Variants in PKHD1 observed in about 807,000 individuals in gnomAD.
PKHD1 encodes fibrocystin.
PKHD1 carries 291 observed loss-of-function variants against 412.0 expected under a neutral mutation model. That is an observed-to-expected ratio of 0.71 (90% CI 0.64 to 0.78). The LOEUF is 0.78. Among genes scored for constraint, PKHD1 ranks in the 30% least tolerant of loss-of-function variants. The probability of loss-of-function intolerance (pLI) is 0.00; values close to 1 mark genes in which losing one functional copy is unlikely to be tolerated. For synonymous variants in PKHD1, 1,777 were observed against 1,821.5 expected, an observed-to-expected ratio of 0.98 and a Z score of 0.62; for missense variants, 4,825 against 4,950.7, an observed-to-expected ratio of 0.97 and a Z score of 0.76.
intron 36 of PKHD1, among the ~76,000 whole-genome samples, chr6:51,940,035 AC>A (rs1300672912): frequency 2.0e-5 from 3 of 151,048 alleles, no homozygotes; most frequent in Non-Finnish European, 4.4e-5. Flanking sequence ...TCTTTATCTG[AC>A]CTCTCCCAAA....
intron 60 of PKHD1, among the ~76,000 whole-genome samples, chr6:51,684,329 T>C (rs962906204): frequency 2.4e-4 from 36 of 152,210 alleles, no homozygotes; most frequent in African/African-American, 7.9e-4. Flanking sequence ...GTTTTTCTAT[T>C]CTTAAACAAC....
At chr6:51,869,727 A>T (rs1775671450) in intron 47 of PKHD1, among the ~76,000 whole-genome samples, 1 of 152,146 alleles carries the variant, frequency 6.6e-6, no homozygotes, top group South Asian at 2.1e-4. Context: ...TATTATTTCT[A>T]CAATCCTAAA....
chr6:52,070,509 G>C, intron 9 of PKHD1, 64 bp from the exon 10 acceptor site: 2 of 1,212,648 alleles, frequency 1.6e-6, no homozygotes, highest in Non-Finnish European at 2.4e-6. Context: ...CCAGGCCATT[G>C]CTTTCATAAG....
chr6:51,883,588 T>C (rs1159618682), intron 45 of PKHD1, among the ~76,000 whole-genome samples: 1 of 152,228 alleles, frequency 6.6e-6, no homozygotes, highest in East Asian at 1.9e-4. Flanking sequence ...TTCAATGTAT[T>C]ATATATTAAC....
intron 57 of PKHD1, among the ~76,000 whole-genome samples, chr6:51,752,879 C>T (rs1750961): frequency 0.78 from 118,831 of 152,106 alleles, 47,204 homozygotes; most frequent in East Asian, 0.98. Flanking sequence ...GAAAGAGTAA[C>T]AGAAATTCAG....
chr6:51,846,274 A>G (rs1204477068), intron 50 of PKHD1, among the ~76,000 whole-genome samples: 2 of 152,216 alleles, frequency 1.3e-5, no homozygotes, highest in Admixed American at 6.5e-5. Flanking sequence ...GCTAGCCTGT[A>G]GGTCCGACTC....
At chr6:52,079,847 C>T (rs201973989) in intron 5 of PKHD1, 53 bp downstream of exon 5, 2 of 1,049,624 alleles carry the variant, frequency 1.9e-6, no homozygotes, top group Non-Finnish European at 3.0e-6. Context: ...TTCAATAACA[C>T]AAGCACACCC....
chr6:51,774,937 A>G (rs1192761557), intron 54 of PKHD1, among the ~76,000 whole-genome samples: 1 of 151,778 alleles, frequency 6.6e-6, no homozygotes, highest in Non-Finnish European at 1.5e-5. Flanking sequence ...CTTATATAAT[A>G]GTTGAAATAA....
Position 51,794,084 on chromosome 6 carries a change from T to G in PKHD1, c.8303-2711A>C, listed in dbSNP as rs183620161. Among the ~76,000 whole-genome samples, 605 of 149,976 alleles carry G rather than the reference T, an allele frequency of 4.0e-3. 4 individuals carry two copies. Among genetic ancestry groups the G allele is most frequent in the African/African-American group, 0.011 (463 of 40,646 alleles). On this transcript the variant is annotated intron_variant, in intron 52 of 66. Transcript: ENST00000371117. ...TTTTTTTTGAGATGGAGTCTCACTC[T>G]GTCGTGCAGTGGCGTGATCTCGGCT...
chr6:51,717,256 A>C (rs972367910), intron 60 of PKHD1, among the ~76,000 whole-genome samples: 15 of 152,160 alleles, frequency 9.9e-5, no homozygotes, highest in Non-Finnish European at 1.6e-4. Context: ...TACTAAAAAA[A>C]CAAAAATTAG....
intron 35 of PKHD1, among the ~76,000 whole-genome samples, chr6:51,995,414 T>C (rs564498039): frequency 6.6e-6 from 1 of 152,380 alleles, no homozygotes; most frequent in East Asian, 1.9e-4. Context: ...CCTTTGTTTC[T>C]AGTAACTGCC....
At chr6:51,842,266 C>T (rs546840951) in intron 50 of PKHD1, among the ~76,000 whole-genome samples, 2 of 152,260 alleles carry the variant, frequency 1.3e-5, no homozygotes, top group South Asian at 4.1e-4. Flanking sequence ...TGAGTGGGGG[C>T]TGTGTGAACT....
chr6:51,863,001 C>T (rs1032019567), intron 48 of PKHD1, among the ~76,000 whole-genome samples: 6 of 152,120 alleles, frequency 3.9e-5, no homozygotes, highest in African/African-American at 9.7e-5. Flanking sequence ...TATGCCTATG[C>T]GTTGTTTTGT....
chr6:52,063,312 C>A (rs550575460), intron 13 of PKHD1, among the ~76,000 whole-genome samples: 15 of 152,294 alleles, frequency 9.8e-5, no homozygotes, highest in South Asian at 2.1e-4. Context: ...GGAATCCCAG[C>A]TAGACGTGTA....
At chr6:52,058,211 A>G in intron 16 of PKHD1, 112 bp downstream of exon 16, 1 of 947,172 alleles carries the variant, frequency 1.1e-6, no homozygotes, top group Non-Finnish European at 1.7e-6. Context: ...TTTCTTTGAC[A>G]GCAAGGTTAT....
chr6:52,062,641 A>G lies in PKHD1; in HGVS notation c.996T>C (p.Phe332=). ...GTCCCTCAACAGCATCTCCAACTTCAAAAAGAAGCCCTCGATTGCCTGTAA... is the reference window on the plus strand; with the variant it reads ...GTCCCTCAACAGCATCTCCAACTTCGAAAAGAAGCCCTCGATTGCCTGTAA... ...TPQPGNRGLL[F]EVGDAVEGLE... is the part of the protein sequence containing the mutation. The change falls in exon 14 of 67, where the codon TTT becomes TTC. Residue 332 remains phenylalanine, a synonymous_variant. Coordinates refer to ENST00000371117, the MANE Select transcript of PKHD1 (RefSeq NM_138694.4). The G allele has an allele frequency of 1.2e-6, 2 of 1,614,150 alleles. No homozygotes were observed. The highest frequency in any genetic ancestry group is 1.7e-6 in the Non-Finnish European group (2 of 1,179,982).
At position 52,022,882 on chromosome 6, in the gene PKHD1, C is replaced by T; in HGVS notation, c.5299G>A (p.Ala1767Thr). Residue 1767 changes from alanine (A) to threonine (T), a missense_variant, in exon 33 of 67, where the codon GCT becomes ACT. Coordinates refer to ENST00000371117, the MANE Select transcript of PKHD1 (RefSeq NM_138694.4). ...GAGFSPGNVS[A>T]AVCGAPCRVL... The stretch of plus-strand genomic sequence containing the variant: ...CGGCAGGGAGCACCACACACAGCAG[C>T]TGAGACATTCCCTGGAGAAAATCCC... The T allele has an allele frequency of 6.2e-7, 1 of 1,614,172 alleles. No homozygotes were observed. The highest frequency in any genetic ancestry group is 8.5e-7 in the Non-Finnish European group (1 of 1,180,022).
intron 60 of PKHD1, among the ~76,000 whole-genome samples, chr6:51,703,868 A>G (rs1779718622): frequency 1.3e-5 from 2 of 152,064 alleles, no homozygotes; most frequent in South Asian, 4.1e-4. Flanking sequence ...ATTCCTGGAA[A>G]GCTCATCTGG....
Position 52,071,083 on chromosome 6 carries a change from C to A in PKHD1, c.603-13G>T, listed in dbSNP as rs779238824. On this transcript the variant is annotated splice_polypyrimidine_tract_variant and intron_variant, in intron 8 of 66. Coordinates refer to ENST00000371117, the MANE Select transcript of PKHD1 (RefSeq NM_138694.4). Reference sequence around the variant, plus strand: ...CTGAATAGGATAACTAAGGAAAAGACAAACTGAGGTAAGAATGACCAGACA... The same window carrying A: ...CTGAATAGGATAACTAAGGAAAAGAAAAACTGAGGTAAGAATGACCAGACA... 5 of 1,560,298 alleles carry A rather than the reference C, an allele frequency of 3.2e-6. No individual in the cohort carries two copies. In the South Asian group the frequency reaches 5.6e-5, roughly 17 times the overall value.
Sources: gnomAD v4.1 joint callset for allele counts (sites outside exome capture counted in the v4.1 genomes callset) on GRCh38, gnomAD v4.1.1 for gene constraint, MANE v1.5 for transcripts, NCBI Gene and HGNC (gene_info 2026-07-23, HGNC 2026-07-21) for gene names.